The following CCDC47 variants were observed in gnomAD, a reference collection of about 807,000 sequenced individuals.
The protein encoded by CCDC47 is coiled-coil domain containing 47, also known as PAT complex subunit CCDC47.
A neutral mutation model predicts 60.5 loss-of-function variants in CCDC47; 41 were observed. The observed-to-expected ratio is 0.68, with a 90% CI of 0.53 to 0.88. The LOEUF (loss-of-function observed/expected upper bound fraction) is 0.88, where lower values mean the gene tolerates loss of function less well. CCDC47 is among the 40% of genes least tolerant of loss of function. CCDC47 has a pLI of 0.00. For missense variants in CCDC47, 513 were observed against 580.9 expected, an observed-to-expected ratio of 0.88 and a Z score of 1.20; for synonymous variants, 195 against 190.7, an observed-to-expected ratio of 1.02 and a Z score of -0.18.
At chr17:63,749,286 T>C (rs1293309432) in intron 12 of CCDC47, among the ~76,000 whole-genome samples, 2 of 151,686 alleles carry the variant, frequency 1.3e-5, no homozygotes, top group Non-Finnish European at 2.9e-5. Flanking sequence ...CAGGCACCTG[T>C]AATCCCAGCT....
At chr17:63,752,943 G>C (rs2039178601) in intron 9 of CCDC47, 144 bp from the exon 10 acceptor site, 3 of 1,353,480 alleles carry the variant, frequency 2.2e-6, no homozygotes, top group Non-Finnish European at 1.9e-6. Flanking sequence ...CAAATATAAT[G>C]AAGGAGCTTT....
At chr17:63,761,082 G>T in intron 5 of CCDC47, 103 bp from the exon 6 acceptor site, 3 of 1,377,872 alleles carry the variant, frequency 2.2e-6, no homozygotes, top group South Asian at 1.2e-5. Flanking sequence ...TATACTTTAC[G>T]ACACATTTGC....
rs771118608 is a variant in CCDC47, at chr17:63,746,978, T to TAATAAATAGAG, written c.1372-28_1372-18dup. 6 of 1,612,212 alleles carry TAATAAATAGAG rather than the reference T, an allele frequency of 3.7e-6. No individual in the cohort carries two copies. The highest frequency in any genetic ancestry group is 5.1e-6 in the Non-Finnish European group (6 of 1,178,938). ...TGCAGCCTCCTAGAGAAAGAAGGGG[T>TAATAAATAGAG]AATAAATAGAGAAAGGGAGTGGGGA... On this transcript the variant is annotated splice_polypyrimidine_tract_variant and intron_variant, in intron 12 of 12. Transcript: ENST00000225726.
At chr17:63,768,361 T>C (rs1460509460) in intron 1 of CCDC47, among the ~76,000 whole-genome samples, 1 of 149,828 alleles carries the variant, frequency 6.7e-6, no homozygotes, top group Non-Finnish European at 1.5e-5. Context: ...GGTTAAACTA[T>C]GGATGTATCA....
intron 12 of CCDC47, among the ~76,000 whole-genome samples, chr17:63,748,485 C>T (rs887078045): frequency 2.0e-5 from 3 of 152,030 alleles, no homozygotes; most frequent in African/African-American, 4.8e-5. Context: ...AGTGCAATGG[C>T]GCAATCCCGA....
chr17:63,751,343 G>GT (rs1339575373), intron 12 of CCDC47, among the ~76,000 whole-genome samples: 1 of 105,938 alleles, frequency 9.4e-6, no homozygotes, highest in African/African-American at 3.6e-5. Flanking sequence ...TCCAGCCTGG[G>GT]TGACAGAGTG....
chr17:63,748,764 C>T (rs1301810741), intron 12 of CCDC47, among the ~76,000 whole-genome samples: 1 of 151,858 alleles, frequency 6.6e-6, no homozygotes, highest in Non-Finnish European at 1.5e-5. Flanking sequence ...ACCTCGCCTA[C>T]ACTTTGGGAG....
chr17:63,746,487 C>T lies in CCDC47; in HGVS notation c.*394G>A, dbSNP rs2039121104. 6.2e-6 allele frequency: 1 copy of T among 162,464 alleles called. No individual in the cohort carries two copies. 10.1% of individuals were successfully genotyped at this position (162,464 alleles called of 1,614,324 possible). ...GAGTCAGTCTTTATAGCCATTTCAA[C>T]TGCTTGGTTTAAACAAAAAGCAACA... On this transcript the variant is annotated 3_prime_UTR_variant, in exon 13 of 13. Transcript: ENST00000225726.
Position 63,756,554 on chromosome 17 carries a change from A to G in CCDC47, c.752T>C (p.Met251Thr). The change falls in exon 7 of 13, where the codon ATG (methionine) becomes ACG (threonine). Residue 251 changes from methionine to threonine, a missense_variant. Met to Thr is a moderately conservative substitution (Grantham distance 81). Coordinates refer to ENST00000225726, the MANE Select transcript of CCDC47 (RefSeq NM_020198.3). ...GTAGGTATCCATGTCTTCATCATTC[A>G]TGGTTACTTTTATTTGCTTTTAAAA... ...VSDQVQIKVT[M>T]NDEDMDTYVF... is the part of the protein sequence containing the mutation. 6.2e-7 allele frequency: 1 copy of G among 1,613,210 alleles called. No homozygotes were observed. Among genetic ancestry groups the G allele is most frequent in the Non-Finnish European group, 8.5e-7 (1 of 1,179,206 alleles).
At chr17:63,756,092 T>C in intron 8 of CCDC47, 148 bp downstream of exon 8, 1 of 611,438 alleles carries the variant, frequency 1.6e-6, no homozygotes, top group Non-Finnish European at 2.9e-6. Flanking sequence ...AATTTATTGC[T>C]TAAAGAAGGT....
At position 63,771,943 on chromosome 17, in the gene CCDC47, G is replaced by A. The variant is rs191411781; in HGVS notation, c.-20+1469C>T. On this transcript the variant is annotated intron_variant, in intron 1 of 12. Transcript: ENST00000225726. ...CTAAAAATACAAAAATTAGCCGGGC[G>A]TGGTGGCAGGCACCTGTAATCCCAG... 5.7e-4 allele frequency among the ~76,000 whole-genome samples: 86 copies of A among 152,096 alleles called. No homozygotes were observed. In the East Asian group the frequency reaches 0.015, roughly 27 times the overall value.
intron 4 of CCDC47, 53 bp from the exon 5 acceptor site, chr17:63,761,404 G>C (rs926343851): frequency 6.2e-6 from 10 of 1,605,230 alleles, no homozygotes; most frequent in Admixed American, 1.7e-5. Context: ...AGGCCGGGCC[G>C]GGGGTGGTGG....
intron 4 of CCDC47, 166 bp from the exon 5 acceptor site, chr17:63,761,517 T>TAA (rs11429720): frequency 0.27 from 51,065 of 190,826 alleles, 6,821 homozygotes; most frequent in South Asian, 0.4. Context: ...CTGTCCCTAC[T>TAA]AAAAAAAAAA....
At chr17:63,763,547 C>T (rs889690047) in intron 4 of CCDC47, among the ~76,000 whole-genome samples, 3 of 151,624 alleles carry the variant, frequency 2.0e-5, no homozygotes, top group South Asian at 2.1e-4. Flanking sequence ...ATAAAAAGGC[C>T]GGGTGCAGTG....
intron 1 of CCDC47, among the ~76,000 whole-genome samples, chr17:63,770,151 T>C (rs1414818226): frequency 1.3e-5 from 2 of 152,024 alleles, no homozygotes; most frequent in Non-Finnish European, 2.9e-5. Context: ...TAAGTACAGA[T>C]GGGGTTTCAC....
intron 6 of CCDC47, among the ~76,000 whole-genome samples, chr17:63,757,883 C>G (rs1393870845): frequency 6.6e-6 from 1 of 152,038 alleles, no homozygotes; most frequent in Non-Finnish European, 1.5e-5. Flanking sequence ...CCTAGTTAGC[C>G]TCAGGATGGT....
Position 63,756,459 on chromosome 17 carries a change from C to A in CCDC47, c.837+10G>T. The A allele has an allele frequency of 6.2e-7, 1 of 1,611,122 alleles. No individual in the cohort carries two copies. Among genetic ancestry groups the A allele is most frequent in the Non-Finnish European group, 8.5e-7 (1 of 1,177,262 alleles). ...TCTACGTATATTTGAGTTGGAGCAACCTGACATACCAAATCCTGCATCTCT... is the reference window on the plus strand; with the variant it reads ...TCTACGTATATTTGAGTTGGAGCAAACTGACATACCAAATCCTGCATCTCT... On this transcript the variant is annotated intron_variant, in intron 7 of 12. Transcript: ENST00000225726.
chr17:63,772,574 A>T (rs1447837317), intron 1 of CCDC47, among the ~76,000 whole-genome samples: 1 of 151,672 alleles, frequency 6.6e-6, no homozygotes, highest in Non-Finnish European at 1.5e-5. Context: ...TCCTACTCTT[A>T]AAACTTTTTT....
At chr17:63,771,942 C>A (rs1197248738) in intron 1 of CCDC47, among the ~76,000 whole-genome samples, 1 of 151,848 alleles carries the variant, frequency 6.6e-6, no homozygotes, top group Non-Finnish European at 1.5e-5. Flanking sequence ...ATTAGCCGGG[C>A]GTGGTGGCAG....
Sources: allele counts gnomAD v4.1 joint callset (sites outside exome capture counted in the v4.1 genomes callset), GRCh38; gene constraint gnomAD v4.1.1; transcripts MANE v1.5; gene names NCBI Gene and HGNC (gene_info 2026-07-23, HGNC 2026-07-21).